The following CADM2 variants were observed in gnomAD, a reference collection of about 807,000 sequenced individuals.
The protein encoded by CADM2 is immunoglobulin superfamily member 4D.
A neutral mutation model predicts 49.8 loss-of-function variants in CADM2; 12 were observed. That is an observed-to-expected ratio of 0.24 (90% confidence interval 0.15 to 0.39). The LOEUF is 0.39. Ranked by LOEUF, CADM2 falls within the 10% of genes least tolerant of loss-of-function variation. CADM2 has a pLI of 1.00. For missense variants in CADM2, 378 were observed against 492.3 expected (o/e 0.77, Z 2.20); for synonymous variants, 214 against 175.4 (o/e 1.22, Z -1.74).
chr3:85,806,667 G>A (rs919948979), intron 3 of CADM2, among the ~76,000 whole-genome samples: 3 of 151,952 alleles, frequency 2.0e-5, no homozygotes, highest in South Asian at 2.1e-4. Context: ...CCCAGGAACC[G>A]GAGGTTGCAG....
intron 2 of CADM2, among the ~76,000 whole-genome samples, chr3:85,783,607 A>G (rs1380763198): frequency 1.3e-5 from 2 of 152,164 alleles, no homozygotes; most frequent in African/African-American, 4.8e-5. Context: ...CTAATTCAAG[A>G]AAAAAACGAA....
intron 1 of CADM2, among the ~76,000 whole-genome samples, chr3:85,292,313 G>A (rs1341852710): frequency 7.3e-5 from 11 of 150,556 alleles, no homozygotes; most frequent in Non-Finnish European, 1.5e-4. Context: ...CCTACAAAGA[G>A]ACTTAGACTC....
intron 1 of CADM2, among the ~76,000 whole-genome samples, chr3:85,313,454 G>C (rs2107062232): frequency 6.6e-6 from 1 of 152,182 alleles, no homozygotes; most frequent in Non-Finnish European, 1.5e-5. Flanking sequence ...TGTTGTTGCT[G>C]TTTTCTCTTC....
chr3:85,051,535 G>A (rs939684281), intron 1 of CADM2, among the ~76,000 whole-genome samples: 1 of 152,100 alleles, frequency 6.6e-6, no homozygotes, highest in Admixed American at 6.5e-5. Flanking sequence ...GGGACGGGGG[G>A]AGCTGTGTTA....
chr3:85,519,100 A>C (rs1265497046), intron 1 of CADM2, among the ~76,000 whole-genome samples: 1 of 152,110 alleles, frequency 6.6e-6, no homozygotes, highest in Non-Finnish European at 1.5e-5. Context: ...ATAATAGAGC[A>C]TTACACAAAT....
At chr3:85,418,258 A>T (rs1195559076) in intron 1 of CADM2, among the ~76,000 whole-genome samples, 1 of 152,144 alleles carries the variant, frequency 6.6e-6, no homozygotes, top group African/African-American at 2.4e-5. Flanking sequence ...TTACAAGACA[A>T]AAAGTGAACC....
intron 1 of CADM2, among the ~76,000 whole-genome samples, chr3:85,115,608 C>A (rs1050418441): frequency 2.6e-5 from 4 of 152,120 alleles, no homozygotes; most frequent in African/African-American, 9.7e-5. Context: ...GTGATTTAAC[C>A]TTTCTGAAAT....
intron 1 of CADM2, among the ~76,000 whole-genome samples, chr3:85,290,960 G>T (rs571784433): frequency 6.6e-6 from 1 of 152,356 alleles, no homozygotes; most frequent in Admixed American, 6.5e-5. Context: ...TGAGCTGAGA[G>T]AAGAAGGCTT....
intron 1 of CADM2, among the ~76,000 whole-genome samples, chr3:85,031,642 G>C (rs1480094266): frequency 1.3e-5 from 2 of 152,118 alleles, no homozygotes; most frequent in Non-Finnish European, 2.9e-5. Flanking sequence ...AGCCTCCCGA[G>C]TAGCTGGGAC....
At chr3:85,460,464 C>A (rs1288330311) in intron 1 of CADM2, among the ~76,000 whole-genome samples, 2 of 152,076 alleles carry the variant, frequency 1.3e-5, no homozygotes, top group Non-Finnish European at 2.9e-5. Flanking sequence ...GCCTTCCTTG[C>A]ATTTCAAAAT....
chr3:85,909,198 C>T (rs1717226364), intron 5 of CADM2, among the ~76,000 whole-genome samples: 1 of 152,234 alleles, frequency 6.6e-6, no homozygotes, highest in East Asian at 1.9e-4. Context: ...CCACATGACT[C>T]ACCACCAAAA....
At chr3:85,065,003 G>T (rs954660301) in intron 1 of CADM2, among the ~76,000 whole-genome samples, 2 of 152,054 alleles carry the variant, frequency 1.3e-5, no homozygotes, top group African/African-American at 2.4e-5. Flanking sequence ...GAGAGATTTG[G>T]AAAGTTATCT....
intron 1 of CADM2, among the ~76,000 whole-genome samples, chr3:85,626,936 G>T (rs1380088574): frequency 6.6e-6 from 1 of 151,940 alleles, no homozygotes; most frequent in East Asian, 1.9e-4. Context: ...AAAGGCTCTG[G>T]TCCTTCAAAT....
chr3:85,475,267 C>A (rs565997686), intron 1 of CADM2, among the ~76,000 whole-genome samples: 1 of 152,048 alleles, frequency 6.6e-6, no homozygotes, highest in South Asian at 2.1e-4. Context: ...TTGCCTCAAT[C>A]TAATTGTGAT....
At position 86,067,022 on chromosome 3, in the gene CADM2, A is replaced by T; in HGVS notation, c.*239A>T. On this transcript the variant is annotated 3_prime_UTR_variant, in exon 10 of 10. Transcript: ENST00000383699. ...TAAATTTCACACCATTGCTCTTTTA[A>T]CATACAGTGCTTGAATATACAGCCT... 1 of 489,798 alleles carries T rather than the reference A, an allele frequency of 2.0e-6. No homozygotes were observed. 30.3% of individuals were successfully genotyped at this position (489,798 alleles called of 1,614,324 possible). A position where few individuals can be genotyped will look rare whatever the true frequency, so the allele number is the denominator to read the frequency against.
intron 2 of CADM2, among the ~76,000 whole-genome samples, chr3:85,794,103 T>C (rs2071489806): frequency 6.6e-6 from 1 of 152,222 alleles, no homozygotes; most frequent in Non-Finnish European, 1.5e-5. Flanking sequence ...TTTATCTTCA[T>C]ACATATAATC....
At chr3:85,987,986 C>T (rs767207994) in intron 8 of CADM2, among the ~76,000 whole-genome samples, 1 of 152,030 alleles carries the variant, frequency 6.6e-6, no homozygotes, top group African/African-American at 2.4e-5. Flanking sequence ...CCACATGAAA[C>T]ACAGTTAATA....
intron 8 of CADM2, among the ~76,000 whole-genome samples, chr3:86,030,009 G>T (rs568514873): frequency 2.6e-5 from 4 of 151,980 alleles, no homozygotes; most frequent in Admixed American, 6.6e-5. Flanking sequence ...ATGATCAAAA[G>T]TGATTTCAAG....
At chr3:85,546,918 A>G (rs959630526) in intron 1 of CADM2, among the ~76,000 whole-genome samples, 11 of 152,182 alleles carry the variant, frequency 7.2e-5, no homozygotes, top group African/African-American at 2.2e-4. Flanking sequence ...ATCTTTTTCA[A>G]TCACAGTGTT....
Sources: gnomAD v4.1 joint callset for allele counts (sites outside exome capture counted in the v4.1 genomes callset) on GRCh38, gnomAD v4.1.1 for gene constraint, MANE v1.5 for transcripts, NCBI Gene and HGNC (gene_info 2026-07-23, HGNC 2026-07-21) for gene names.